YTHDF3: variants seen among roughly 807,000 people sequenced by gnomAD.
The protein encoded by YTHDF3 is YTH domain-containing family protein 3.
In YTHDF3, 9 loss-of-function variants were observed where a neutral mutation model predicts 52.5. The observed-to-expected ratio is 0.17, with a 90% CI of 0.10 to 0.30. The LOEUF is 0.30. Ranked by LOEUF, YTHDF3 falls within the 10% of genes least tolerant of loss-of-function variation. YTHDF3 has a pLI of 1.00. For missense variants in YTHDF3, 534 were observed against 715.0 expected (o/e 0.75, Z 2.89); for synonymous variants, 274 against 243.3 (o/e 1.13, Z -1.18).
chr8:63,169,008 G>T, intron 1 of YTHDF3, 107 bp downstream of exon 1: 1 of 1,481,470 alleles, frequency 6.8e-7, no homozygotes. Context: ...GCCCCATAAC[G>T]GTGCCCCGGG....
chr8:63,169,509 G>A (rs1807139776), intron 2 of YTHDF3, 98 bp downstream of exon 2: 2 of 1,334,868 alleles, frequency 1.5e-6, no homozygotes, highest in African/African-American at 1.5e-5. Context: ...TCCCTCTTGG[G>A]AAAAAATGTA....
chr8:63,182,234 A>ATTTTTTTTTTTTTTTTT (rs11348989), intron 3 of YTHDF3, among the ~76,000 whole-genome samples: 1 of 111,718 alleles, frequency 9.0e-6, no homozygotes. Context: ...TGCCTGGCTA[A>ATTTTTTTTTTTTTTTTT]TTTTTTTTTT....
At chr8:63,207,247 G>T (rs1024651713) in intron 4 of YTHDF3, among the ~76,000 whole-genome samples, 1 of 152,108 alleles carries the variant, frequency 6.6e-6, no homozygotes, top group Non-Finnish European at 1.5e-5. Flanking sequence ...TAGTATAGTT[G>T]TATGAGTCTT....
chr8:63,199,670 TTC>T (rs1412182150), intron 4 of YTHDF3, among the ~76,000 whole-genome samples: 1 of 152,244 alleles, frequency 6.6e-6, no homozygotes, highest in African/African-American at 2.4e-5. Context: ...AGAATATTTT[TTC>T]ATGAATGAAG....
chr8:63,204,396 T>C (rs1339654108), intron 4 of YTHDF3, among the ~76,000 whole-genome samples: 2 of 151,070 alleles, frequency 1.3e-5, no homozygotes, highest in Non-Finnish European at 3.0e-5. Context: ...AGTTTTGCTC[T>C]TGTTGCCCAG....
intron 2 of YTHDF3, among the ~76,000 whole-genome samples, chr8:63,170,738 C>T (rs898524264): frequency 6.6e-6 from 1 of 152,010 alleles, no homozygotes; most frequent in African/African-American, 2.4e-5. Context: ...ATTATTTTAT[C>T]CTAGATCTGT....
At chr8:63,176,610 G>A (rs1807708509) in intron 3 of YTHDF3, among the ~76,000 whole-genome samples, 1 of 151,608 alleles carries the variant, frequency 6.6e-6, no homozygotes, top group Non-Finnish European at 1.5e-5. Context: ...ATAATTTTAT[G>A]ATTAATTTGA....
At chr8:63,180,863 A>G (rs1183049423) in intron 3 of YTHDF3, among the ~76,000 whole-genome samples, 5 of 152,168 alleles carry the variant, frequency 3.3e-5, no homozygotes, top group Non-Finnish European at 7.3e-5. Context: ...AATCGCAGGC[A>G]CTCGGCAGGC....
At chr8:63,193,137 G>T (rs928191178) in intron 4 of YTHDF3, among the ~76,000 whole-genome samples, 1 of 152,076 alleles carries the variant, frequency 6.6e-6, no homozygotes, top group Non-Finnish European at 1.5e-5. Context: ...ACTTTGGGAG[G>T]GAGGCCCAGG....
chr8:63,198,103 C>G (rs1221913895), intron 4 of YTHDF3, among the ~76,000 whole-genome samples: 2 of 152,098 alleles, frequency 1.3e-5, no homozygotes, highest in Non-Finnish European at 2.9e-5. Flanking sequence ...GAGATGGAGC[C>G]CTGCCGTTTA....
chr8:63,205,422 C>T (rs1466871566), intron 4 of YTHDF3, among the ~76,000 whole-genome samples: 2 of 150,108 alleles, frequency 1.3e-5, no homozygotes, highest in Non-Finnish European at 3.0e-5. Flanking sequence ...CTCATCATTT[C>T]TTTCTTTTTC....
chr8:63,179,669 C>T (rs1038663440), intron 3 of YTHDF3, among the ~76,000 whole-genome samples: 6 of 152,346 alleles, frequency 3.9e-5, no homozygotes, highest in Middle Eastern at 3.4e-3. Context: ...TTCCCCACCC[C>T]TCCCCCCTTT....
At chr8:63,192,032 A>T (rs1342236386) in intron 4 of YTHDF3, among the ~76,000 whole-genome samples, 1 of 152,208 alleles carries the variant, frequency 6.6e-6, no homozygotes, top group African/African-American at 2.4e-5. Context: ...GCGGGGGCGT[A>T]CAGCTCTATG....
At chr8:63,205,780 G>C (rs1230739533) in intron 4 of YTHDF3, among the ~76,000 whole-genome samples, 1 of 152,144 alleles carries the variant, frequency 6.6e-6, no homozygotes, top group African/African-American at 2.4e-5. Flanking sequence ...GTAGCTGATA[G>C]TATGCCCATA....
chr8:63,190,647 ATG>A (rs1266807794), intron 4 of YTHDF3, among the ~76,000 whole-genome samples: 1 of 152,172 alleles, frequency 6.6e-6, no homozygotes, highest in Non-Finnish European at 1.5e-5. Flanking sequence ...GCTGAATCAA[ATG>A]TAGCCAACTG....
At chr8:63,175,219 GTAT>G (rs1807606968) in intron 2 of YTHDF3, 109 bp from the exon 3 acceptor site, 5 of 710,048 alleles carry the variant, frequency 7.0e-6, no homozygotes, top group Non-Finnish European at 9.4e-6. Flanking sequence ...AAATAACTCA[GTAT>G]TATTTTTTCT....
At chr8:63,203,094 T>C (rs1467146129) in intron 4 of YTHDF3, among the ~76,000 whole-genome samples, 2 of 151,894 alleles carry the variant, frequency 1.3e-5, no homozygotes, top group Non-Finnish European at 2.9e-5. Flanking sequence ...ATACAAAAAT[T>C]AGCTGAGCAT....
chr8:63,195,640 A>G (rs1474453244), intron 4 of YTHDF3, among the ~76,000 whole-genome samples: 1 of 152,162 alleles, frequency 6.6e-6, no homozygotes, highest in Non-Finnish European at 1.5e-5. Flanking sequence ...GATTAACAAA[A>G]ACAGATAAAT....
intron 3 of YTHDF3, among the ~76,000 whole-genome samples, chr8:63,179,151 A>G (rs1425375048): frequency 1.3e-5 from 2 of 151,468 alleles, no homozygotes; most frequent in Non-Finnish European, 2.9e-5. Context: ...TATTTCTTCT[A>G]TTTTGTAGTG....
Sources: gnomAD v4.1 joint callset for allele counts (sites outside exome capture counted in the v4.1 genomes callset) on GRCh38, gnomAD v4.1.1 for gene constraint, MANE v1.5 for transcripts, NCBI Gene and HGNC (gene_info 2026-07-23, HGNC 2026-07-21) for gene names.